Variants in DPYD observed in about 807,000 individuals in gnomAD.
DPYD encodes the protein dihydropyrimidine dehydrogenase.
Under a neutral mutation model 116.2 loss-of-function variants are expected in DPYD, and 109 were observed. The observed-to-expected ratio is 0.94, with a 90% CI of 0.80 to 1.10. The LOEUF (loss-of-function observed/expected upper bound fraction) is 1.10, where lower values mean the gene tolerates loss of function less well. Among genes scored for constraint, DPYD ranks in the 50% least tolerant of loss-of-function variants. The pLI, the probability that DPYD is intolerant of heterozygous loss-of-function variation, is 0.00. For synonymous variants in DPYD, 440 were observed against 432.0 expected (o/e 1.02, Z -0.23); for missense variants, 1,302 against 1,254.5 (o/e 1.04, Z -0.57).
rs190021652 is a variant in DPYD at position 97,785,035 on chromosome 1, C to A, written c.233+43079G>T. 3.9e-3 allele frequency among the ~76,000 whole-genome samples: 597 copies of A among 152,122 alleles called. 7 individuals are homozygous for A. Among genetic ancestry groups the A allele is most frequent in the South Asian group, 2.5e-3 (12 of 4,816 alleles). ...TTCATGGTGTTCTGATTTTAATAAA[C>A]ACAAATAAATTTATTAATCTTTGCT... On this transcript the variant is annotated intron_variant, in intron 3 of 22. Coordinates refer to ENST00000370192, the MANE Select transcript of DPYD (RefSeq NM_000110.4).
chr1:97,590,489 T>C (rs992918638), intron 10 of DPYD, among the ~76,000 whole-genome samples: 1 of 152,192 alleles, frequency 6.6e-6, no homozygotes, highest in Non-Finnish European at 1.5e-5. Flanking sequence ...CCCAGAGAGA[T>C]GATCATGGCC....
Position 97,546,269 on chromosome 1 carries a change from A to G in DPYD, c.1524+3291T>C, listed in dbSNP as rs938697704. ...AAACTGCTAAATCAAAAAAAAAGAA[A>G]CCTTTAAAAAAAAAAACCTGCACCT... On this transcript the variant is annotated intron_variant, in intron 12 of 22. Transcript: ENST00000370192. The G allele has an allele frequency of 1.6e-5, 23 of 1,468,182 alleles. No individual in the cohort carries two copies. In the African/African-American group the frequency reaches 2.6e-4, roughly 16 times the overall value. 90.9% of individuals were successfully genotyped at this position (1,468,182 alleles called of 1,614,324 possible). A position where few individuals can be genotyped will look rare whatever the true frequency, so the allele number is the denominator to read the frequency against.
intron 8 of DPYD, among the ~76,000 whole-genome samples, chr1:97,618,829 G>A (rs185363762): frequency 3.3e-4 from 51 of 152,240 alleles, no homozygotes; most frequent in African/African-American, 1.2e-3. Flanking sequence ...TGAAGGGCAC[G>A]GGGTTCCTTG....
intron 2 of DPYD, among the ~76,000 whole-genome samples, chr1:97,834,667 A>G (rs1410189047): frequency 2.0e-5 from 3 of 152,032 alleles, no homozygotes; most frequent in Non-Finnish European, 4.4e-5. Flanking sequence ...GGTTACTACA[A>G]AGCTTTTCTT....
chr1:97,760,416 C>T (rs1419320859), intron 3 of DPYD, among the ~76,000 whole-genome samples: 4 of 151,546 alleles, frequency 2.6e-5, no homozygotes, highest in Non-Finnish European at 2.9e-5. Flanking sequence ...AAATAAATTT[C>T]AAAAAATAAA....
chr1:97,882,777 T>C (rs1022865017), intron 2 of DPYD, among the ~76,000 whole-genome samples: 2 of 152,022 alleles, frequency 1.3e-5, no homozygotes, highest in Admixed American at 6.6e-5. Flanking sequence ...TCATAGAACA[T>C]CTAATGTTCA....
Position 97,305,367 on chromosome 1 carries a change from C to T in DPYD, c.2191G>A (p.Gly731Ser), listed in dbSNP as rs1214674904. ...GAGACAGTGTTGGTGGCTGTAACGC[C>T]ATTGGCACCACCTATGCAAGACACA... Reference protein sequence around the residue: ...ARAAKEGGANGVTATNTVSGL... With the variant: ...ARAAKEGGANSVTATNTVSGL... Residue 731 changes from glycine to serine, a missense_variant, in exon 18 of 23, where the codon GGC (glycine) becomes AGC (serine). By Grantham distance (56) the Gly-to-Ser change is moderately conservative. Coordinates refer to ENST00000370192, the MANE Select transcript of DPYD (RefSeq NM_000110.4). 32 of 1,612,280 alleles carry T rather than the reference C, an allele frequency of 2.0e-5. No homozygotes were observed. Among genetic ancestry groups the T allele is most frequent in the Non-Finnish European group, 2.7e-5 (32 of 1,178,818 alleles).
intron 12 of DPYD, among the ~76,000 whole-genome samples, chr1:97,538,447 G>T (rs1187036254): frequency 6.6e-6 from 1 of 152,084 alleles, no homozygotes; most frequent in Non-Finnish European, 1.5e-5. Context: ...GAGGTTAAAG[G>T]CTCTGTATCT....
chr1:97,688,212 G>T (rs111346583), intron 7 of DPYD, among the ~76,000 whole-genome samples: 2 of 152,174 alleles, frequency 1.3e-5, no homozygotes, highest in East Asian at 1.9e-4. Flanking sequence ...TATATAGTCA[G>T]CAATTAATGA....
chr1:97,286,616 T>C (rs1336615123), intron 18 of DPYD, among the ~76,000 whole-genome samples: 1 of 152,310 alleles, frequency 6.6e-6, no homozygotes, highest in Non-Finnish European at 1.5e-5. Context: ...GCTTTGTTCA[T>C]TTCTTTTTAT....
At chr1:97,137,084 C>A (rs1645887112) in intron 20 of DPYD, among the ~76,000 whole-genome samples, 1 of 152,172 alleles carries the variant, frequency 6.6e-6, no homozygotes, top group African/African-American at 2.4e-5. Flanking sequence ...TCAATCTGAA[C>A]CAGGTTTATT....
At chr1:97,377,030 A>C (rs2101538623) in intron 15 of DPYD, among the ~76,000 whole-genome samples, 1 of 151,662 alleles carries the variant, frequency 6.6e-6, no homozygotes, top group Non-Finnish European at 1.5e-5. Context: ...AAAAAAGGAA[A>C]ACATCAAGTC....
chr1:97,306,762 G>A (rs371328831), intron 16 of DPYD, among the ~76,000 whole-genome samples: 16 of 151,878 alleles, frequency 1.1e-4, no homozygotes, highest in African/African-American at 3.6e-4. Flanking sequence ...TAGTCTTGAT[G>A]TGTATTCAAA....
At position 97,134,038 on chromosome 1, in the gene DPYD, T is replaced by A. The variant is rs867143474; in HGVS notation, c.2623-35406A>T. Among the ~76,000 whole-genome samples, 178 of 51,188 alleles carry A rather than the reference T, an allele frequency of 3.5e-3. 11 individuals are homozygous for A. The highest frequency in any genetic ancestry group is 0.01 in the African/African-American group (85 of 8,340). The allele number at this position is 51,188 out of a possible 152,430, so 33.6% of individuals were successfully genotyped here. A position where few individuals can be genotyped will look rare whatever the true frequency, so the allele number is the denominator to read the frequency against. ...AAATATATATATATATATATATATA[T>A]ATATATATATATATATATATATATA... On this transcript the variant is annotated intron_variant, in intron 20 of 22. Coordinates refer to ENST00000370192, the MANE Select transcript of DPYD (RefSeq NM_000110.4).
intron 13 of DPYD, among the ~76,000 whole-genome samples, chr1:97,461,767 T>C (rs574161332): frequency 6.6e-6 from 1 of 152,304 alleles, no homozygotes; most frequent in South Asian, 2.1e-4. Context: ...CAAAACACCA[T>C]TAAAAAATGT....
At chr1:97,248,543 G>A (rs1662876518) in intron 18 of DPYD, among the ~76,000 whole-genome samples, 2 of 152,076 alleles carry the variant, frequency 1.3e-5, no homozygotes. Context: ...CTAATACATG[G>A]TTTAACATTT....
At chr1:97,439,224 T>C (rs4949953) in intron 14 of DPYD, among the ~76,000 whole-genome samples, 63,264 of 151,848 alleles carry the variant, frequency 0.42, 13,499 homozygotes, top group Middle Eastern at 0.55. Context: ...GGAGTTCCTA[T>C]CTGGAGTTCC....
At chr1:97,840,109 G>C (rs1669964796) in intron 2 of DPYD, among the ~76,000 whole-genome samples, 2 of 151,834 alleles carry the variant, frequency 1.3e-5, no homozygotes, top group Admixed American at 1.3e-4. Context: ...AGGATATTAA[G>C]AATAACCAAA....
intron 3 of DPYD, among the ~76,000 whole-genome samples, chr1:97,801,868 A>G (rs1041490079): frequency 6.6e-6 from 1 of 151,786 alleles, no homozygotes; most frequent in Non-Finnish European, 1.5e-5. Flanking sequence ...TCTTGTCTCA[A>G]TTGTTTAATT....
Sources: gnomAD v4.1 joint callset for allele counts (sites outside exome capture counted in the v4.1 genomes callset) on GRCh38, gnomAD v4.1.1 for gene constraint, MANE v1.5 for transcripts, NCBI Gene and HGNC (gene_info 2026-07-23, HGNC 2026-07-21) for gene names.